NECAB2: variants seen among roughly 807,000 people sequenced by gnomAD.
NECAB2 encodes N-terminal EF-hand calcium-binding protein 2.
NECAB2 carries 68 observed loss-of-function variants against 51.9 expected under a neutral mutation model. The ratio of observed to expected loss-of-function variants is 1.31; its 90% confidence interval spans 1.08 to 1.60. NECAB2 has a LOEUF of 1.60. Among genes scored for constraint, NECAB2 ranks in the 40% most tolerant of loss-of-function variants. The pLI is 0.00. For missense variants in NECAB2, 854 were observed against 490.3 expected (o/e 1.74, Z -7.00); for synonymous variants, 329 against 203.5 (o/e 1.62, Z -5.25).
intron 5 of NECAB2, among the ~76,000 whole-genome samples, chr16:83,982,088 C>T (rs978020204): frequency 6.6e-6 from 1 of 152,198 alleles, no homozygotes; most frequent in African/African-American, 2.4e-5. Flanking sequence ...GGCCTCTGAG[C>T]TATTGAGCAT....
intron 10 of NECAB2, 31 bp from the exon 11 acceptor site, chr16:84,000,693 G>A (rs763936905): frequency 1.2e-6 from 2 of 1,610,572 alleles, no homozygotes; most frequent in African/African-American, 1.3e-5. Context: ...TTGAGCTCCA[G>A]CCTCCTCCCC....
chr16:83,997,381 A>C (rs2084723464), intron 9 of NECAB2, 112 bp downstream of exon 9: 3 of 1,360,466 alleles, frequency 2.2e-6, no homozygotes, highest in African/African-American at 2.9e-5. Context: ...TGGGACCACC[A>C]GGAGGGGAGA....
intron 5 of NECAB2, among the ~76,000 whole-genome samples, chr16:83,985,726 A>C (rs775576179): frequency 6.6e-6 from 1 of 151,996 alleles, no homozygotes; most frequent in East Asian, 1.9e-4. Context: ...GCAGCCTGTT[A>C]TGTTCTCATT....
At chr16:83,975,940 G>T (rs574823702) in intron 2 of NECAB2, among the ~76,000 whole-genome samples, 1 of 152,146 alleles carries the variant, frequency 6.6e-6, no homozygotes. Context: ...CATTAGGGCC[G>T]TGATCAGGCG....
Position 84,002,482 on chromosome 16 carries a change from G to T in NECAB2, c.*136G>T. ...CTCCACAAGAAGGTGTTTCCCTGTTGTTAAGTGAAGGAGGCCGCCCCTGCC... is the reference window on the plus strand; with the variant it reads ...CTCCACAAGAAGGTGTTTCCCTGTTTTTAAGTGAAGGAGGCCGCCCCTGCC... On this transcript the variant is annotated 3_prime_UTR_variant, in exon 13 of 13. Coordinates refer to ENST00000305202, the MANE Select transcript of NECAB2 (RefSeq NM_019065.3). 1 of 1,229,380 alleles carries T rather than the reference G, an allele frequency of 8.1e-7. No individual in the cohort carries two copies. The highest frequency in any genetic ancestry group is 1.2e-6 in the Non-Finnish European group (1 of 852,854). 76.2% of individuals were successfully genotyped at this position (1,229,380 alleles called of 1,614,324 possible). A position where few individuals can be genotyped will look rare whatever the true frequency, so the allele number is the denominator to read the frequency against.
chr16:83,983,642 C>G (rs1161634753), intron 5 of NECAB2, among the ~76,000 whole-genome samples: 1 of 152,088 alleles, frequency 6.6e-6, no homozygotes, highest in African/African-American at 2.4e-5. Flanking sequence ...TAGATTGTCT[C>G]AAATTGAACA....
chr16:83,992,462 C>T (rs1387848946), intron 6 of NECAB2, among the ~76,000 whole-genome samples: 1 of 149,064 alleles, frequency 6.7e-6, no homozygotes, highest in Non-Finnish European at 1.5e-5. Flanking sequence ...ATGTGCTTGA[C>T]ACAGAAGAAA....
chr16:83,965,560 GC>G, upstream of NECAB2: 4 of 1,612,894 alleles, frequency 2.5e-6, no homozygotes, highest in Non-Finnish European at 3.4e-6. Context: ...TCAACCAGCT[GC>G]CCAAGATGCT....
chr16:83,999,527 G>A (rs373449403), intron 10 of NECAB2, among the ~76,000 whole-genome samples: 255 of 152,250 alleles, frequency 1.7e-3, no homozygotes, highest in African/African-American at 5.8e-3. Flanking sequence ...TCCACCCCAA[G>A]ATGGAATCCA....
upstream of NECAB2, chr16:83,965,978 C>G: frequency 6.3e-7 from 1 of 1,596,636 alleles, no homozygotes; most frequent in East Asian, 2.3e-5. Context: ...CAGCTCCCTG[C>G]TAAGGAAGGA....
At chr16:84,000,603 G>T in intron 10 of NECAB2, 121 bp from the exon 11 acceptor site, 2 of 722,874 alleles carry the variant, frequency 2.8e-6, no homozygotes, top group South Asian at 3.5e-5. Context: ...GTCAAGACAG[G>T]AAGAAACATT....
intron 10 of NECAB2, among the ~76,000 whole-genome samples, chr16:83,998,604 G>T (rs560725991): frequency 6.6e-6 from 1 of 152,186 alleles, no homozygotes; most frequent in Admixed American, 6.5e-5. Context: ...ACAATCAAGT[G>T]TGTGAATCTC....
Position 83,999,482 on chromosome 16 carries a change from C to G in NECAB2, c.962+1165C>G, listed in dbSNP as rs548920084. ...GAGAGCCAGGTGAGATTCTACTTCCCAGGCATGGTGCACCTAAAGCTGCAC... is the reference window on the plus strand; with the variant it reads ...GAGAGCCAGGTGAGATTCTACTTCCGAGGCATGGTGCACCTAAAGCTGCAC... On this transcript the variant is annotated intron_variant, in intron 10 of 12. Coordinates refer to ENST00000305202, the MANE Select transcript of NECAB2 (RefSeq NM_019065.3). 3.3e-5 allele frequency among the ~76,000 whole-genome samples: 5 copies of G among 152,264 alleles called. No individual in the cohort carries two copies. The East Asian group carries it at 7.7e-4, about 24-fold the overall frequency.
chr16:84,002,212 A>C (rs2084850619), intron 12 of NECAB2, 106 bp from the exon 13 acceptor site: 2 of 1,388,548 alleles, frequency 1.4e-6, no homozygotes, highest in African/African-American at 2.9e-5. Flanking sequence ...TGTGTCACAC[A>C]AGGACTCAAA....
chr16:83,968,568 C>T lies in NECAB2; in HGVS notation c.-81C>T. The T allele has an allele frequency of 2.1e-6, 2 of 949,312 alleles. No homozygotes were observed. Among genetic ancestry groups the T allele is most frequent in the Non-Finnish European group, 2.5e-6 (2 of 801,286 alleles). The allele number at this position is 949,312 out of a possible 1,614,324, so 58.8% of individuals were successfully genotyped here. A position where few individuals can be genotyped will look rare whatever the true frequency, so the allele number is the denominator to read the frequency against. ...AGAGGGCGGGGCGGCGCGGGCAGCG[C>T]GGGGAGGGGGTCGCGCGGGGGCGGG... is the stretch of plus-strand genomic sequence containing the variant. On this transcript the variant is annotated 5_prime_UTR_variant, in exon 1 of 13. Transcript: ENST00000305202.
At chr16:83,997,292 T>C in intron 9 of NECAB2, 23 bp downstream of exon 9, 3 of 1,613,924 alleles carry the variant, frequency 1.9e-6, no homozygotes, top group Non-Finnish European at 2.5e-6. Context: ...CCCACCTCTC[T>C]TCTGGGACCA....
At chr16:83,996,055 C>T (rs2084693944) in intron 8 of NECAB2, among the ~76,000 whole-genome samples, 2 of 152,244 alleles carry the variant, frequency 1.3e-5, no homozygotes, top group African/African-American at 4.8e-5. Context: ...GGGCGGTCAG[C>T]AGGGGCCAAT....
At chr16:83,989,311 C>G (rs1359075641) in intron 5 of NECAB2, among the ~76,000 whole-genome samples, 2 of 152,188 alleles carry the variant, frequency 1.3e-5, no homozygotes, top group Non-Finnish European at 2.9e-5. Flanking sequence ...CCAGCAGACC[C>G]TGGTCTGGCT....
chr16:83,982,856 GTTTTCT>G (rs751163758), intron 5 of NECAB2, among the ~76,000 whole-genome samples: 90 of 151,500 alleles, frequency 5.9e-4, no homozygotes, highest in African/African-American at 1.7e-3. Context: ...CTTTTTTTTT[GTTTTCT>G]TTTTCTTTTT....
Sources: gnomAD v4.1 joint callset for allele counts (sites outside exome capture counted in the v4.1 genomes callset) on GRCh38, gnomAD v4.1.1 for gene constraint, MANE v1.5 for transcripts, NCBI Gene and HGNC (gene_info 2026-07-23, HGNC 2026-07-21) for gene names.